HIRA: variants seen among roughly 807,000 people sequenced by gnomAD.
HIRA encodes the protein histone cell cycle regulator, also known as protein HIRA.
A neutral mutation model predicts 126.6 loss-of-function variants in HIRA; 13 were observed. The observed-to-expected ratio is 0.10, with a 90% CI of 0.07 to 0.16. The LOEUF (loss-of-function observed/expected upper bound fraction) is 0.16, where lower values mean the gene tolerates loss of function less well. Among genes scored for constraint, HIRA ranks in the 10% least tolerant of loss-of-function variants. The pLI is 1.00. For synonymous variants in HIRA, 511 were observed against 520.0 expected (o/e 0.98, Z 0.24); for missense variants, 834 against 1,314.4 (o/e 0.63, Z 5.65).
chr22:19,404,684 A>G lies in HIRA; in HGVS notation c.397+1102T>C, dbSNP rs560823911. Among the ~76,000 whole-genome samples, 16 of 152,216 alleles carry G rather than the reference A, an allele frequency of 1.1e-4. 1 individual carries two copies. The South Asian group carries it at 3.3e-3, about 32-fold the overall frequency. ...GTCCTCGCCCAGAGCTCCAGGCTCA[A>G]TTTGAAGGTTTCTTGACATTTCTTC... is the stretch of plus-strand genomic sequence containing the variant. On this transcript the variant is annotated intron_variant, in intron 5 of 24. Transcript: ENST00000263208.
intron 1 of HIRA, among the ~76,000 whole-genome samples, chr22:19,419,309 C>T (rs1056913303): frequency 9.2e-5 from 14 of 152,278 alleles, no homozygotes; most frequent in Admixed American, 3.9e-4. Context: ...ATGGCCACCC[C>T]GCCCCCACGA....
chr22:19,430,385 A>C (rs2146264939), intron 1 of HIRA: 1 of 152,382 alleles, frequency 6.6e-6, no homozygotes, highest in East Asian at 1.9e-4. Context: ...TGATCAGTTC[A>C]GTTTAGTTGT....
chr22:19,361,382 T>C (rs201413461), intron 16 of HIRA, 41 bp from the exon 17 acceptor site: 1 of 1,550,916 alleles, frequency 6.4e-7, no homozygotes, highest in Non-Finnish European at 8.9e-7. Flanking sequence ...GCTCTAACAC[T>C]ACGGGGTAGC....
rs782121972 is a variant in HIRA, at chr22:19,355,801, G to A, written c.2520C>T (p.Ser840=). The change falls in exon 21 of 25, where the codon TCC becomes TCT. Residue 840 remains serine, a synonymous_variant. Coordinates refer to ENST00000263208, the MANE Select transcript of HIRA (RefSeq NM_003325.4). Reference sequence around the variant, plus strand: ...GATTAAAGCAGTACGCCTTCCCATCGGACAGGTTCATTACTGGGATTCCAT... The same window carrying A: ...GATTAAAGCAGTACGCCTTCCCATCAGACAGGTTCATTACTGGGATTCCAT... The part of the protein sequence containing the change: ...TQHGIPVMNL[S]DGKAYCFNPS... The A allele has an allele frequency of 2.7e-5, 43 of 1,613,912 alleles. No homozygotes were observed. The Admixed American group carries it at 3.8e-4, about 14-fold the overall frequency.
chr22:19,341,338 T>C (rs918868937), intron 24 of HIRA, among the ~76,000 whole-genome samples: 1 of 151,318 alleles, frequency 6.6e-6, no homozygotes, highest in East Asian at 1.9e-4. Context: ...TAGTCCCAGC[T>C]ACTCAGGAGG....
chr22:19,394,655 G>A (rs2089208420), intron 7 of HIRA, 146 bp from the exon 8 acceptor site: 1 of 801,484 alleles, frequency 1.2e-6, no homozygotes, highest in Non-Finnish European at 1.9e-6. Context: ...GACAGCTTCT[G>A]TCTCACCAGA....
At chr22:19,419,828 TG>T (rs1170231487) in intron 1 of HIRA, among the ~76,000 whole-genome samples, 4 of 152,168 alleles carry the variant, frequency 2.6e-5, no homozygotes, top group African/African-American at 4.8e-5. Context: ...TCTACTGCTG[TG>T]GGGACTCAGA....
At chr22:19,429,897 T>A (rs1203451213) in intron 1 of HIRA, among the ~76,000 whole-genome samples, 2 of 152,304 alleles carry the variant, frequency 1.3e-5, no homozygotes, top group Middle Eastern at 3.4e-3. Flanking sequence ...CATTTTTCCT[T>A]TCCTAATCAC....
Position 19,361,862 on chromosome 22 carries a change from A to C in HIRA, c.1845T>G (p.Asp615Glu). The change falls in exon 16 of 25, where the codon GAT becomes GAG. Residue 615 changes from aspartate to glutamate, a missense_variant. Asp to Glu is a conservative substitution (Grantham distance 45). Transcript: ENST00000263208. ...AAGCCTTAGCCAAAGGGACTTTCTC[A>C]TCGCTGTCACTGCTGCTCTCCAGGA... ...RDLLESSSDS[D>E]EKVPLAKASS... 6.2e-7 allele frequency: 1 copy of C among 1,614,106 alleles called. No homozygotes were observed. Among genetic ancestry groups the C allele is most frequent in the Non-Finnish European group, 8.5e-7 (1 of 1,180,010 alleles).
chr22:19,361,293 G>A lies in HIRA; in HGVS notation c.2029C>T (p.Pro677Ser), dbSNP rs1446804454. 15 of 1,614,226 alleles carry A rather than the reference G, an allele frequency of 9.3e-6. No individual in the cohort carries two copies. Among genetic ancestry groups the A allele is most frequent in the Non-Finnish European group, 1.3e-5 (15 of 1,180,046 alleles). ...ATTGGCAGCTTCAGTGCAAGTGCTG[G>A]TGCAGACAGACACATGGCCTCCTTC... ...AEKEAMCLSA[P>S]ALALKLPIPS... Residue 677 changes from proline to serine, a missense_variant, in exon 17 of 25, where the codon CCA becomes TCA. This residue lies in a region of HIRA where 468 missense variants were observed against 574.2 expected (regional missense o/e 0.82). Transcript: ENST00000263208.
intron 1 of HIRA, among the ~76,000 whole-genome samples, chr22:19,428,396 A>G (rs1159504777): frequency 6.6e-6 from 1 of 152,238 alleles, no homozygotes; most frequent in East Asian, 1.9e-4. Flanking sequence ...CAAGGATACT[A>G]GAAACATTCT....
chr22:19,422,522 C>T (rs2089456902), intron 1 of HIRA, among the ~76,000 whole-genome samples: 1 of 152,160 alleles, frequency 6.6e-6, no homozygotes, highest in Admixed American at 6.5e-5. Context: ...TCAAGGCCTT[C>T]TAGTAGCCTA....
At chr22:19,389,752 C>T (rs2089160815) in intron 9 of HIRA, among the ~76,000 whole-genome samples, 1 of 151,844 alleles carries the variant, frequency 6.6e-6, no homozygotes, top group Admixed American at 6.6e-5. Flanking sequence ...GGTTGCAGCG[C>T]CACAAACAGG....
At chr22:19,356,400 C>G in intron 19 of HIRA, 112 bp from the exon 20 acceptor site, 1 of 863,000 alleles carries the variant, frequency 1.2e-6, no homozygotes, top group Non-Finnish European at 1.9e-6. Flanking sequence ...ACCCTGGCCT[C>G]TCCTAGTGAG....
At chr22:19,387,584 C>T (rs1052815686) in intron 11 of HIRA, 127 bp downstream of exon 11, 6 of 626,944 alleles carry the variant, frequency 9.6e-6, no homozygotes, top group Non-Finnish European at 1.7e-5. Flanking sequence ...AGATGAATAC[C>T]CCATTACATG....
chr22:19,425,522 G>C (rs902058747), intron 1 of HIRA, among the ~76,000 whole-genome samples: 1 of 152,176 alleles, frequency 6.6e-6, no homozygotes, highest in African/African-American at 2.4e-5. Flanking sequence ...CTTGGCTTCA[G>C]TGGTCAAGGC....
At chr22:19,340,135 T>C (rs1449337339) in intron 24 of HIRA, among the ~76,000 whole-genome samples, 1 of 152,030 alleles carries the variant, frequency 6.6e-6, no homozygotes, top group African/African-American at 2.4e-5. Flanking sequence ...AAATACTACC[T>C]AATCGAATCA....
At chr22:19,381,886 A>G (rs1442259458) in intron 13 of HIRA, among the ~76,000 whole-genome samples, 1 of 152,202 alleles carries the variant, frequency 6.6e-6, no homozygotes, top group Non-Finnish European at 1.5e-5. Context: ...TTCCCTGTGA[A>G]GCCATCTTAG....
At chr22:19,390,109 T>C (rs2146223229) in intron 9 of HIRA, among the ~76,000 whole-genome samples, 2 of 152,270 alleles carry the variant, frequency 1.3e-5, no homozygotes, top group East Asian at 1.9e-4. Context: ...AGGTGTCTCT[T>C]ACCACACAGT....
Sources: allele counts gnomAD v4.1 joint callset (sites outside exome capture counted in the v4.1 genomes callset), GRCh38; gene constraint gnomAD v4.1.1; regional missense constraint gnomAD v4.1.1; transcripts MANE v1.5; gene names NCBI Gene and HGNC (gene_info 2026-07-23, HGNC 2026-07-21).